The following MARK1 variants were observed in gnomAD, a reference collection of about 807,000 sequenced individuals.
MARK1 encodes the protein serine/threonine-protein kinase MARK1.
MARK1 carries 40 observed loss-of-function variants against 96.3 expected under a neutral mutation model. The observed-to-expected ratio is 0.42, with a 90% CI of 0.32 to 0.54. The LOEUF is 0.54. MARK1 is among the 20% of genes least tolerant of loss of function. The pLI, the probability that MARK1 is intolerant of heterozygous loss-of-function variation, is 0.16. For synonymous variants in MARK1, 317 were observed against 341.2 expected (o/e 0.93, Z 0.78); for missense variants, 719 against 984.6 (o/e 0.73, Z 3.61).
At chr1:220,562,427 G>A (rs1359198965) in intron 1 of MARK1, among the ~76,000 whole-genome samples, 1 of 152,116 alleles carries the variant, frequency 6.6e-6, no homozygotes, top group African/African-American at 2.4e-5. Context: ...CCAAGATAGC[G>A]CCACTGCACT....
Position 220,599,864 on chromosome 1 carries a change from G to A in MARK1, c.424+1G>A, listed in dbSNP as rs1665622946. The A allele has an allele frequency of 1.2e-6, 2 of 1,601,360 alleles. No individual in the cohort carries two copies. The highest frequency in any genetic ancestry group is 1.7e-6 in the Non-Finnish European group (2 of 1,172,182). On this transcript the variant is annotated splice_donor_variant, in intron 5 of 17. Coordinates refer to ENST00000366917, the MANE Select transcript of MARK1 (RefSeq NM_018650.5). LOFTEE classifies it high-confidence loss of function. Reference sequence around the variant, plus strand: ...TTAGTCATGGAATACGCGAGTGGGGGTAAGAATGAGGGTGATTGAAAAGTT... The same window carrying A: ...TTAGTCATGGAATACGCGAGTGGGGATAAGAATGAGGGTGATTGAAAAGTT...
At chr1:220,639,130 C>T (rs1323190709) in intron 13 of MARK1, among the ~76,000 whole-genome samples, 1 of 151,880 alleles carries the variant, frequency 6.6e-6, no homozygotes, top group Non-Finnish European at 1.5e-5. Flanking sequence ...TTCCAGCATG[C>T]CTATAGTTCC....
chr1:220,626,537 A>AT (rs1667346826), intron 9 of MARK1: 3 of 499,202 alleles, frequency 6.0e-6, no homozygotes, highest in Non-Finnish European at 1.2e-5. Context: ...ATCAAAGCAC[A>AT]TGCTGGCCTG....
Position 220,528,769 on chromosome 1 carries a change from C to G in MARK1, c.-54C>G. On this transcript the variant is annotated 5_prime_UTR_variant, in exon 1 of 18. Coordinates refer to ENST00000366917, the MANE Select transcript of MARK1 (RefSeq NM_018650.5). ...CCCCTTTCCTGTCGCCCCCCGGGGCCCGCACCACAGCCCGGCCGGCGAGAC... is the reference window on the plus strand; with the variant it reads ...CCCCTTTCCTGTCGCCCCCCGGGGCGCGCACCACAGCCCGGCCGGCGAGAC... The G allele has an allele frequency of 6.6e-7, 1 of 1,526,446 alleles. No individual in the cohort carries two copies. Among genetic ancestry groups the G allele is most frequent in the Non-Finnish European group, 8.8e-7 (1 of 1,131,156 alleles). 94.6% of individuals were successfully genotyped at this position (1,526,446 alleles called of 1,614,324 possible).
At chr1:220,589,130 T>C (rs939360464) in intron 3 of MARK1, among the ~76,000 whole-genome samples, 4 of 152,110 alleles carry the variant, frequency 2.6e-5, no homozygotes, top group African/African-American at 9.7e-5. Context: ...TGCCTCAAGA[T>C]CAAGCAAGCG....
chr1:220,608,767 A>G (rs1035750654), intron 6 of MARK1, among the ~76,000 whole-genome samples: 2 of 152,112 alleles, frequency 1.3e-5, no homozygotes, highest in Non-Finnish European at 1.5e-5. Context: ...CTTTGTTCTC[A>G]TTGGTTTCAA....
intron 11 of MARK1, among the ~76,000 whole-genome samples, chr1:220,633,911 G>T (rs922227007): frequency 6.6e-6 from 1 of 152,168 alleles, no homozygotes; most frequent in Non-Finnish European, 1.5e-5. Flanking sequence ...GAATTGGAGG[G>T]AGAGATTTGA....
chr1:220,644,461 C>CCA (rs1479099961), intron 13 of MARK1, among the ~76,000 whole-genome samples: 4 of 135,866 alleles, frequency 2.9e-5, no homozygotes, highest in Non-Finnish European at 3.2e-5. Flanking sequence ...CCCCCCCCCC[C>CCA]CACACACACA....
intron 1 of MARK1, among the ~76,000 whole-genome samples, chr1:220,538,711 T>G (rs966181758): frequency 2.0e-5 from 3 of 152,218 alleles, no homozygotes; most frequent in Non-Finnish European, 4.4e-5. Context: ...GAGCATGGAA[T>G]GTTCTTCCAT....
At chr1:220,602,804 G>T (rs2102917874) in intron 5 of MARK1, among the ~76,000 whole-genome samples, 1 of 151,964 alleles carries the variant, frequency 6.6e-6, no homozygotes, top group Non-Finnish European at 1.5e-5. Context: ...TTACGTATTT[G>T]ATTTTTAATA....
intron 1 of MARK1, among the ~76,000 whole-genome samples, chr1:220,576,987 G>A (rs1297736146): frequency 2.6e-5 from 4 of 152,152 alleles, no homozygotes; most frequent in Non-Finnish European, 2.9e-5. Context: ...GGCCAGATGC[G>A]GTGGCTTATG....
At chr1:220,582,166 G>A (rs1254444728) in intron 3 of MARK1, among the ~76,000 whole-genome samples, 1 of 152,150 alleles carries the variant, frequency 6.6e-6, no homozygotes. Flanking sequence ...CTCTGCCTTT[G>A]TACTTATCGG....
intron 1 of MARK1, among the ~76,000 whole-genome samples, chr1:220,556,543 G>A (rs925833662): frequency 6.7e-6 from 1 of 148,652 alleles, no homozygotes; most frequent in East Asian, 2.0e-4. Flanking sequence ...AACCACTTGT[G>A]GAGAGAGTTA....
chr1:220,560,660 T>C (rs1662606814), intron 1 of MARK1, among the ~76,000 whole-genome samples: 1 of 152,200 alleles, frequency 6.6e-6, no homozygotes, highest in Non-Finnish European at 1.5e-5. Context: ...CACAAAGGCA[T>C]GATTCAGGTC....
At chr1:220,588,180 A>G (rs1051995358) in intron 3 of MARK1, among the ~76,000 whole-genome samples, 1 of 152,184 alleles carries the variant, frequency 6.6e-6, no homozygotes, top group Admixed American at 6.6e-5. Flanking sequence ...TAAGTTTAAT[A>G]TCTTCTTTCT....
At chr1:220,566,864 A>T (rs1016648789) in intron 1 of MARK1, among the ~76,000 whole-genome samples, 1 of 152,140 alleles carries the variant, frequency 6.6e-6, no homozygotes, top group Non-Finnish European at 1.5e-5. Context: ...TTTAATCCTC[A>T]TTGTAAGCTT....
At chr1:220,619,888 C>T (rs915483027) in intron 9 of MARK1, among the ~76,000 whole-genome samples, 6 of 152,098 alleles carry the variant, frequency 3.9e-5, no homozygotes, top group Admixed American at 2.0e-4. Context: ...GAGAATTAAC[C>T]TCATATAAAC....
At chr1:220,645,184 GAAGAA>G (rs1013897461) in intron 13 of MARK1, among the ~76,000 whole-genome samples, 81 of 152,176 alleles carry the variant, frequency 5.3e-4, no homozygotes, top group African/African-American at 1.9e-3. Context: ...GACTAATAAA[GAAGAA>G]AAGAGAGAAA....
At chr1:220,575,891 A>G (rs868399195) in intron 1 of MARK1, among the ~76,000 whole-genome samples, 1 of 150,506 alleles carries the variant, frequency 6.6e-6, no homozygotes, top group Middle Eastern at 3.2e-3. Flanking sequence ...TCTGTGTTAC[A>G]CCATACTTGG....
Sources: allele counts gnomAD v4.1 joint callset (sites outside exome capture counted in the v4.1 genomes callset), GRCh38; gene constraint gnomAD v4.1.1; transcripts MANE v1.5; gene names NCBI Gene and HGNC (gene_info 2026-07-23, HGNC 2026-07-21).